MRPL58: variants seen among roughly 807,000 people sequenced by gnomAD.
The protein encoded by MRPL58 is mitochondrial ribosomal protein L58.
MRPL58 carries 17 observed loss-of-function variants against 26.0 expected under a neutral mutation model. The observed-to-expected ratio is 0.65, with a 90% CI of 0.45 to 0.98. The LOEUF (loss-of-function observed/expected upper bound fraction) is 0.98, where lower values mean the gene tolerates loss of function less well. Ranked by LOEUF, MRPL58 falls within the 50% of genes least tolerant of loss-of-function variation. MRPL58 has a pLI of 0.00. For missense variants in MRPL58, 250 were observed against 269.0 expected (o/e 0.93, Z 0.49); for synonymous variants, 100 against 99.7 (o/e 1.00, Z -0.02).
chr17:75,018,459 C>T (rs563127103), intron 2 of MRPL58: 1,633 of 152,224 alleles, frequency 0.011, 17 homozygotes, highest in South Asian at 0.048. Context: ...GTCTCGATCT[C>T]CTGACCTCAT....
At chr17:75,020,201 C>T (rs748637260) in intron 3 of MRPL58, 112 bp from the exon 4 acceptor site, 1 of 830,984 alleles carries the variant, frequency 1.2e-6, no homozygotes, top group Non-Finnish European at 2.0e-6. Context: ...CTACAATGTA[C>T]ATGGTTAGGT....
At chr17:75,019,961 G>A (rs554633382) in intron 3 of MRPL58, among the ~76,000 whole-genome samples, 1 of 152,186 alleles carries the variant, frequency 6.6e-6, no homozygotes, top group East Asian at 1.9e-4. Flanking sequence ...GACTAGGATC[G>A]GCTTGTGAGT....
At chr17:75,014,889 A>G (rs1170358561) in intron 1 of MRPL58, among the ~76,000 whole-genome samples, 2 of 152,244 alleles carry the variant, frequency 1.3e-5, no homozygotes, top group Non-Finnish European at 2.9e-5. Context: ...TCTAGCATAT[A>G]CAGCCATGAT....
In MRPL58 at chr17:75,020,499, G is replaced by A. The variant is rs1471815160; in HGVS notation, c.378G>A (p.Lys126=). ...RQKIAITHKN[K]INRLGELILT... Reference sequence around the variant, plus strand: ...TTTGTTCTCTGCAGCATAAAAACAAGATCAACAGGTTAGGAGAGTTGATCC... The same window carrying A: ...TTTGTTCTCTGCAGCATAAAAACAAAATCAACAGGTTAGGAGAGTTGATCC... The change falls in exon 5 of 6, where the codon AAG becomes AAA. Residue 126 remains lysine, a synonymous_variant. Transcript: ENST00000301585. 6.2e-7 allele frequency: 1 copy of A among 1,613,970 alleles called. No homozygotes were observed. Among genetic ancestry groups the A allele is most frequent in the African/African-American group, 1.3e-5 (1 of 74,906 alleles).
intron 1 of MRPL58, 131 bp downstream of exon 1, chr17:75,013,003 G>A: frequency 1.2e-6 from 1 of 814,196 alleles, no homozygotes; most frequent in Non-Finnish European, 1.9e-6. Flanking sequence ...GGAGGGGGCT[G>A]GCTGTCTGCG....
chr17:75,012,994 G>A, intron 1 of MRPL58, 122 bp downstream of exon 1: 1 of 891,318 alleles, frequency 1.1e-6, no homozygotes, highest in Non-Finnish European at 1.7e-6. Flanking sequence ...GTCGCCGCGG[G>A]AGGGGGCTGG....
chr17:75,017,529 A>T (rs1185501643), intron 2 of MRPL58, among the ~76,000 whole-genome samples: 1 of 152,204 alleles, frequency 6.6e-6, no homozygotes, highest in East Asian at 1.9e-4. Flanking sequence ...CAGCTGGATC[A>T]TCCGAGGTCA....
chr17:75,014,805 G>C (rs891381961), intron 1 of MRPL58, among the ~76,000 whole-genome samples: 1 of 152,104 alleles, frequency 6.6e-6, no homozygotes, highest in Non-Finnish European at 1.5e-5. Flanking sequence ...ATGAGAGAGT[G>C]GCAATAGCAT....
intron 1 of MRPL58, among the ~76,000 whole-genome samples, chr17:75,014,209 G>A (rs531147570): frequency 5.6e-5 from 7 of 125,020 alleles, no homozygotes; most frequent in South Asian, 2.7e-4. Flanking sequence ...TTTTTGAGAC[G>A]GAGTCTCACT....
At chr17:75,013,678 G>T (rs1384205447) in intron 1 of MRPL58, among the ~76,000 whole-genome samples, 1 of 152,184 alleles carries the variant, frequency 6.6e-6, no homozygotes, top group Non-Finnish European at 1.5e-5. Flanking sequence ...CTGTCAATGA[G>T]GTGGCATTTG....
rs755763436 is a variant in MRPL58, at chr17:75,017,047, T to A, written c.187-31T>A. 4.4e-6 allele frequency: 7 copies of A among 1,584,134 alleles called. No homozygotes were observed. The East Asian group carries it at 8.9e-5, about 20-fold the overall frequency. ...GTTAGGAGTCACCCAGCAGGTAATA[T>A]TTATTTGACACTGTGTACATTACAT... On this transcript the variant is annotated intron_variant, in intron 1 of 5. Coordinates refer to ENST00000301585, the MANE Select transcript of MRPL58 (RefSeq NM_001545.3).
At position 75,020,823 on chromosome 17, in the gene MRPL58, G is replaced by T. The variant is rs575235342; in HGVS notation, c.537-98G>T. 5.0e-6 allele frequency: 6 copies of T among 1,203,994 alleles called. No individual in the cohort carries two copies. In the East Asian group the frequency reaches 1.4e-4, roughly 28 times the overall value. The allele number at this position is 1,203,994 out of a possible 1,614,324, so 74.6% of individuals were successfully genotyped here. On this transcript the variant is annotated intron_variant, in intron 5 of 5. Transcript: ENST00000301585. ...GGCCTGCGGGCTAGTGCCTGCTGGTGTAACTGCTCGGCTTCCCGTTGAGCT... is the reference window on the plus strand; with the variant it reads ...GGCCTGCGGGCTAGTGCCTGCTGGTTTAACTGCTCGGCTTCCCGTTGAGCT...
intron 1 of MRPL58, among the ~76,000 whole-genome samples, chr17:75,016,450 C>A (rs78637455): frequency 0.025 from 3,836 of 151,844 alleles, 61 homozygotes; most frequent in Non-Finnish European, 0.038. Flanking sequence ...CGGGAGTGCA[C>A]CTGAGGATAC....
chr17:75,013,562 T>G (rs2039949793), intron 1 of MRPL58, among the ~76,000 whole-genome samples: 3 of 152,088 alleles, frequency 2.0e-5, no homozygotes, highest in Non-Finnish European at 1.5e-5. Context: ...ATGACTAATA[T>G]AGAATGTGTG....
rs2040008321 is a variant in MRPL58, at chr17:75,020,524, C to CT, written c.404dup (p.Thr136HisfsTer3). Reference sequence around the variant, plus strand: ...GATCAACAGGTTAGGAGAGTTGATCCTCACCTCTGAGAGCAGCCGCTATCA... The same window carrying CT: ...GATCAACAGGTTAGGAGAGTTGATCCTTCACCTCTGAGAGCAGCCGCTATCA... On this transcript the variant is annotated frameshift_variant, in exon 5 of 6. Coordinates refer to ENST00000301585, the MANE Select transcript of MRPL58 (RefSeq NM_001545.3). LOFTEE classifies it high-confidence loss of function. The CT allele has an allele frequency of 1.9e-6, 3 of 1,614,032 alleles. No homozygotes were observed. The highest frequency in any genetic ancestry group is 2.5e-6 in the Non-Finnish European group (3 of 1,179,920).
chr17:75,017,958 CCTT>C (rs2039986357), intron 2 of MRPL58, among the ~76,000 whole-genome samples: 1 of 151,778 alleles, frequency 6.6e-6, no homozygotes, highest in Non-Finnish European at 1.5e-5. Context: ...TTTCTCTAAT[CCTT>C]CACACATTCC....
chr17:75,017,949 T>G (rs2144885467), intron 2 of MRPL58, among the ~76,000 whole-genome samples: 1 of 152,066 alleles, frequency 6.6e-6, no homozygotes, highest in South Asian at 2.1e-4. Flanking sequence ...AATCAGTCAT[T>G]TCTCTAATCC....
At chr17:75,014,150 A>G (rs2039954703) in intron 1 of MRPL58, among the ~76,000 whole-genome samples, 1 of 148,262 alleles carries the variant, frequency 6.7e-6, no homozygotes, top group Non-Finnish European at 1.5e-5. Flanking sequence ...GTGAGAAGTG[A>G]GAATAAAAGA....
At position 75,016,945 on chromosome 17, in the gene MRPL58, T is replaced by G; in HGVS notation, c.187-133T>G. 9.4e-6 allele frequency: 7 copies of G among 741,196 alleles called. No homozygotes were observed. The South Asian group carries it at 1.0e-4, about 11-fold the overall frequency. The allele number at this position is 741,196 out of a possible 1,614,324, so 45.9% of individuals were successfully genotyped here. A position where few individuals can be genotyped will look rare whatever the true frequency, so the allele number is the denominator to read the frequency against. The stretch of plus-strand genomic sequence containing the variant: ...GCTTTTTCTGTCATCGTGATATCAT[T>G]TTGCAGGGGACCTGAAAATACTAAT... On this transcript the variant is annotated intron_variant, in intron 1 of 5. Coordinates refer to ENST00000301585, the MANE Select transcript of MRPL58 (RefSeq NM_001545.3).
Sources: gnomAD v4.1 joint callset for allele counts (sites outside exome capture counted in the v4.1 genomes callset) on GRCh38, gnomAD v4.1.1 for gene constraint, MANE v1.5 for transcripts, NCBI Gene and HGNC (gene_info 2026-07-23, HGNC 2026-07-21) for gene names.